Variants in SLC26A5 observed in about 807,000 individuals in gnomAD.
SLC26A5 encodes the protein solute carrier family 26 member 5, also known as prestin.
In SLC26A5, 51 loss-of-function variants were observed where a neutral mutation model predicts 81.0. That is an observed-to-expected ratio of 0.63 (90% CI 0.50 to 0.80). The LOEUF is 0.80. Among genes scored for constraint, SLC26A5 ranks in the 30% least tolerant of loss-of-function variants. The pLI, the probability that SLC26A5 is intolerant of heterozygous loss-of-function variation, is 0.00. For synonymous variants in SLC26A5, 325 were observed against 332.8 expected, an observed-to-expected ratio of 0.98 and a Z score of 0.25; for missense variants, 771 against 905.8, an observed-to-expected ratio of 0.85 and a Z score of 1.91.
intron 15 of SLC26A5, among the ~76,000 whole-genome samples, chr7:103,379,973 C>A (rs1159137741): frequency 1.3e-5 from 2 of 151,976 alleles, no homozygotes; most frequent in East Asian, 3.9e-4. Flanking sequence ...GAATTTCTTC[C>A]CAAGCATAAG....
At chr7:103,432,563 T>C (rs1004972475) in intron 2 of SLC26A5, among the ~76,000 whole-genome samples, 10 of 152,220 alleles carry the variant, frequency 6.6e-5, no homozygotes, top group Admixed American at 5.9e-4. Context: ...GAAATCAACT[T>C]GTTCTAATTT....
chr7:103,370,620 T>G (rs1318297185), downstream of SLC26A5, among the ~76,000 whole-genome samples: 1 of 152,176 alleles, frequency 6.6e-6, no homozygotes, highest in Non-Finnish European at 1.5e-5. Flanking sequence ...TTCCAGGGCT[T>G]GAAGAGGATC....
At chr7:103,438,357 T>A (rs986971363) in intron 2 of SLC26A5, among the ~76,000 whole-genome samples, 19 of 151,844 alleles carry the variant, frequency 1.3e-4, no homozygotes, top group South Asian at 2.1e-4. Context: ...GTCATAATTT[T>A]AAAAAAATTT....
intron 10 of SLC26A5, among the ~76,000 whole-genome samples, chr7:103,392,566 C>T (rs952371663): frequency 3.9e-5 from 6 of 152,140 alleles, no homozygotes; most frequent in South Asian, 2.1e-4. Context: ...CTTCCATAAC[C>T]GACCTTGGTT....
chr7:103,434,701 G>C (rs559523386), intron 2 of SLC26A5, among the ~76,000 whole-genome samples: 1 of 152,142 alleles, frequency 6.6e-6, no homozygotes, highest in Admixed American at 6.5e-5. Context: ...GCCCAGGCTG[G>C]AGTGCAGTGG....
At chr7:103,376,761 A>C in intron 19 of SLC26A5, 47 bp downstream of exon 19, 1 of 1,325,924 alleles carries the variant, frequency 7.5e-7, no homozygotes, top group East Asian at 2.3e-5. Flanking sequence ...AATAAGAGAA[A>C]CAAAACTAAA....
chr7:103,371,977 G>A (rs970328231), downstream of SLC26A5, among the ~76,000 whole-genome samples: 1 of 152,206 alleles, frequency 6.6e-6, no homozygotes, highest in Non-Finnish European at 1.5e-5. Context: ...TTACAGGCGT[G>A]AGCCACCGCA....
intron 8 of SLC26A5, 112 bp from the exon 9 acceptor site, chr7:103,398,126 C>T: frequency 2.3e-6 from 2 of 854,516 alleles, no homozygotes; most frequent in Admixed American, 3.7e-5. Flanking sequence ...TTTTAACATT[C>T]AGATTTAAAA....
At chr7:103,395,609 C>T (rs150346565) in intron 9 of SLC26A5, among the ~76,000 whole-genome samples, 2,308 of 149,732 alleles carry the variant, frequency 0.015, 54 homozygotes, top group African/African-American at 0.054. Flanking sequence ...CTGCAACCTC[C>T]GCCTTCTGGT....
rs769720506 is a variant in SLC26A5, at chr7:103,389,106, C to G, written c.1416G>C (p.Trp472Cys). 1 of 1,611,980 alleles carries G rather than the reference C, an allele frequency of 6.2e-7. No individual in the cohort carries two copies. The highest frequency in any genetic ancestry group is 1.1e-5 in the South Asian group (1 of 90,906). ...ACAAGGAGGACACAAAAGTGGTAAG[C>G]CAGATGGTCTAAGCAAAAGACAGAA... ...WRTSKIELTI[W>C]LTTFVSSLFL... is the part of the protein sequence containing the mutation. The change falls in exon 14 of 20, where the codon TGG (tryptophan) becomes TGC (cysteine). Residue 472 changes from tryptophan (W) to cysteine (C), a missense_variant. Transcript: ENST00000306312.
chr7:103,404,180 T>C (rs984090042), intron 8 of SLC26A5, among the ~76,000 whole-genome samples: 11 of 151,662 alleles, frequency 7.3e-5, no homozygotes, highest in Admixed American at 2.0e-4. Context: ...CAAGACTTTG[T>C]CTCAAAAAAA....
intron 2 of SLC26A5, among the ~76,000 whole-genome samples, chr7:103,426,280 C>A (rs374129505): frequency 1.1e-4 from 16 of 152,216 alleles, no homozygotes; most frequent in African/African-American, 3.4e-4. Flanking sequence ...CAATTAGGAG[C>A]AAATCTCAAA....
In SLC26A5 at chr7:103,367,313, G is replaced by A; in HGVS notation, c.2041+9495C>T. On this transcript the variant is annotated intron_variant, in intron 19 of 19. Coordinates refer to the SLC26A5 transcript ENST00000339444. The surrounding 1 kb of genome is among the most constrained non-coding windows in gnomAD (Gnocchi z 6.1). ...TCAAAGTGGGATGTCACTTGTGCCTGAGGACATGATTTGAGCTGAGATTTT... is the reference window on the plus strand; with the variant it reads ...TCAAAGTGGGATGTCACTTGTGCCTAAGGACATGATTTGAGCTGAGATTTT... 1 of 1,084,942 alleles carries A rather than the reference G, an allele frequency of 9.2e-7. No homozygotes were observed. The highest frequency in any genetic ancestry group is 1.4e-6 in the Non-Finnish European group (1 of 723,626). 67.2% of individuals were successfully genotyped at this position (1,084,942 alleles called of 1,614,324 possible). A position where few individuals can be genotyped will look rare whatever the true frequency, so the allele number is the denominator to read the frequency against.
chr7:103,421,256 T>C, intron 3 of SLC26A5, 107 bp downstream of exon 3: 2 of 1,261,580 alleles, frequency 1.6e-6, no homozygotes, highest in Non-Finnish European at 2.3e-6. Context: ...TGGCTCAGCA[T>C]TCATTTTTCT....
At chr7:103,363,683 G>C (rs187833846) in intron 19 of SLC26A5, among the ~76,000 whole-genome samples, 87 of 152,290 alleles carry the variant, frequency 5.7e-4, no homozygotes, top group African/African-American at 2.0e-3. Flanking sequence ...AGGAGGCACA[G>C]TGTAACCTTT....
At chr7:103,402,798 ATT>A (rs1823717538) in intron 8 of SLC26A5, among the ~76,000 whole-genome samples, 1 of 152,020 alleles carries the variant, frequency 6.6e-6, no homozygotes, top group Non-Finnish European at 1.5e-5. Flanking sequence ...TAGTCTATCT[ATT>A]TTGTTAATCT....
At chr7:103,411,993 T>C (rs748110744) in intron 5 of SLC26A5, among the ~76,000 whole-genome samples, 15 of 152,070 alleles carry the variant, frequency 9.9e-5, no homozygotes, top group Admixed American at 6.6e-4. Context: ...TAAGTCACCA[T>C]GTGTAAGAAA....
At chr7:103,437,697 C>T (rs997849077) in intron 2 of SLC26A5, among the ~76,000 whole-genome samples, 1 of 152,024 alleles carries the variant, frequency 6.6e-6, no homozygotes, top group Non-Finnish European at 1.5e-5. Context: ...AGACAAATAC[C>T]ACATCATCTC....
In SLC26A5 at chr7:103,367,302, C is replaced by G; in HGVS notation, c.2041+9506G>C. The G allele has an allele frequency of 1.1e-6, 1 of 917,808 alleles. No individual in the cohort carries two copies. Among genetic ancestry groups the G allele is most frequent in the Non-Finnish European group, 1.7e-6 (1 of 585,866 alleles). 56.9% of individuals were successfully genotyped at this position (917,808 alleles called of 1,614,324 possible). A position where few individuals can be genotyped will look rare whatever the true frequency, so the allele number is the denominator to read the frequency against. On this transcript the variant is annotated intron_variant, in intron 19 of 19. Coordinates refer to the SLC26A5 transcript ENST00000339444. The surrounding 1 kb of genome is among the most constrained non-coding windows in gnomAD (Gnocchi z 6.1). ...CAGGATTTGCTTCAAAGTGGGATGT[C>G]ACTTGTGCCTGAGGACATGATTTGA...
Sources: allele counts gnomAD v4.1 joint callset (sites outside exome capture counted in the v4.1 genomes callset), GRCh38; gene constraint gnomAD v4.1.1; non-coding constraint Gnocchi (gnomAD v3.1); transcripts MANE v1.5; gene names NCBI Gene and HGNC (gene_info 2026-07-23, HGNC 2026-07-21).